The following PPAT variants were observed in gnomAD, a reference collection of about 807,000 sequenced individuals.
PPAT encodes the protein amidophosphoribosyltransferase.
A neutral mutation model predicts 60.2 loss-of-function variants in PPAT; 20 were observed. The ratio of observed to expected loss-of-function variants is 0.33; its 90% confidence interval spans 0.23 to 0.48. PPAT has a LOEUF of 0.48. PPAT is among the 20% of genes least tolerant of loss of function. The probability of loss-of-function intolerance (pLI) is 0.99; values close to 1 mark genes in which losing one functional copy is unlikely to be tolerated. For synonymous variants in PPAT, 194 were observed against 215.1 expected (o/e 0.90, Z 0.86); for missense variants, 349 against 629.6 (o/e 0.55, Z 4.77).
chr4:56,402,926 A>G (rs1716152671), intron 5 of PPAT, 114 bp downstream of exon 5: 11 of 892,156 alleles, frequency 1.2e-5, no homozygotes, highest in Non-Finnish European at 1.7e-5. Flanking sequence ...TATTTTTCTT[A>G]CCTAGCTCCC....
chr4:56,426,584 G>T (rs190443773), intron 1 of PPAT, among the ~76,000 whole-genome samples: 1 of 152,010 alleles, frequency 6.6e-6, no homozygotes, highest in Non-Finnish European at 1.5e-5. Flanking sequence ...GTTCATCCAC[G>T]TTGTAGCATA....
At position 56,394,382 on chromosome 4, in the gene PPAT, A is replaced by G. The variant is rs1715911566; in HGVS notation, c.*970T>C. ...TGTGTACATGTATATGTACATCTAC[A>G]TGTATATATGTTTGCAAGTGATCAA... On this transcript the variant is annotated 3_prime_UTR_variant, in exon 11 of 11. Transcript: ENST00000264220. 6.6e-6 allele frequency: 1 copy of G among 152,180 alleles called. No individual in the cohort carries two copies. 9.4% of individuals were successfully genotyped at this position (152,180 alleles called of 1,614,324 possible).
chr4:56,432,691 A>G (rs2110070831), intron 1 of PPAT, among the ~76,000 whole-genome samples: 1 of 151,566 alleles, frequency 6.6e-6, no homozygotes, highest in South Asian at 2.1e-4. Flanking sequence ...AGGCTGAGGC[A>G]GGAGAATGGC....
intron 1 of PPAT, among the ~76,000 whole-genome samples, chr4:56,432,657 C>T (rs1481570368): frequency 1.3e-5 from 2 of 151,116 alleles, no homozygotes; most frequent in African/African-American, 4.9e-5. Flanking sequence ...TGGTGGGGGG[C>T]GCCTGTAGTC....
chr4:56,413,545 T>A (rs1280694874), intron 1 of PPAT, among the ~76,000 whole-genome samples: 1 of 152,230 alleles, frequency 6.6e-6, no homozygotes, highest in Non-Finnish European at 1.5e-5. Context: ...AGAATCACTG[T>A]CATGCAAAAT....
intron 1 of PPAT, among the ~76,000 whole-genome samples, chr4:56,416,002 G>T (rs6832797): frequency 1.3e-5 from 2 of 151,516 alleles, no homozygotes. Flanking sequence ...CCCGGGAGGC[G>T]GAGGTTGCAG....
At chr4:56,428,979 G>A in intron 1 of PPAT, 1 of 979,676 alleles carries the variant, frequency 1.0e-6, no homozygotes, top group Non-Finnish European at 1.2e-6. Context: ...GGAACTTTGA[G>A]CTTCAAGAGA....
rs1236357637 is a variant in PPAT at position 56,395,336 on chromosome 4, C to T, written c.*16G>A. ...CAACTTTCTATCTTGAAACTACACA[C>T]ATCCAACCCTACCAGCTACCATTCT... On this transcript the variant is annotated 3_prime_UTR_variant, in exon 11 of 11. Transcript: ENST00000264220. 6.3e-6 allele frequency: 10 copies of T among 1,582,768 alleles called. No homozygotes were observed. In the African/African-American group the frequency reaches 1.1e-4, roughly 17 times the overall value.
In PPAT at chr4:56,395,205, A is replaced by C; in HGVS notation, c.*147T>G. On this transcript the variant is annotated 3_prime_UTR_variant, in exon 11 of 11. Coordinates refer to ENST00000264220, the MANE Select transcript of PPAT (RefSeq NM_002703.5). ...GTTATCGCACTTTGGTATCCTTTTC[A>C]GAAAAAAAAAAAATCTCAAAACTTA... 1 of 662,596 alleles carries C rather than the reference A, an allele frequency of 1.5e-6. No homozygotes were observed. Among genetic ancestry groups the C allele is most frequent in the Non-Finnish European group, 2.3e-6 (1 of 426,146 alleles). 41.0% of individuals were successfully genotyped at this position (662,596 alleles called of 1,614,324 possible).
intron 1 of PPAT, among the ~76,000 whole-genome samples, chr4:56,417,000 C>A (rs1560645176): frequency 6.6e-6 from 1 of 152,286 alleles, no homozygotes; most frequent in East Asian, 1.9e-4. Flanking sequence ...CAGGAGCGCA[C>A]CATCACGCCC....
Position 56,406,572 on chromosome 4 carries a change from C to T in PPAT, c.325G>A (p.Val109Ile), listed in dbSNP as rs141469911. 28 of 1,613,730 alleles carry T rather than the reference C, an allele frequency of 1.7e-5. No homozygotes were observed. The highest frequency in any genetic ancestry group is 1.7e-4 in the Middle Eastern group (1 of 5,776). ...KCELENCQPF[V>I]VETLHGKIAV... ...ATCTTCCCATGAAGTGTTTCAACAA[C>T]GAAGGGCTGACAATTTTCTAGTTCA... The change falls in exon 3 of 11, where the codon GTT (valine) becomes ATT (isoleucine). Residue 109 changes from valine to isoleucine, a missense_variant. Physicochemically the swap from Val to Ile is conservative, Grantham distance 29 (BLOSUM62 3). Around this residue, in one of 5 missense-constraint regions of PPAT, gnomAD observed 115 missense variants for 174.5 expected, o/e 0.66. Transcript: ENST00000264220.
intron 1 of PPAT, among the ~76,000 whole-genome samples, chr4:56,431,026 A>G (rs1329018126): frequency 6.6e-6 from 1 of 152,176 alleles, no homozygotes; most frequent in Non-Finnish European, 1.5e-5. Flanking sequence ...GAAGGATTGA[A>G]AACACTTATT....
rs1460073463 is a variant in PPAT at position 56,395,529 on chromosome 4, A to G, written c.1377T>C (p.Tyr459=). ...ATGAAACCAGTCCTTCTACTGACAGATACACAACACTGTTTGCTCCTAAAG... is the reference window on the plus strand; with the variant it reads ...ATGAAACCAGTCCTTCTACTGACAGGTACACAACACTGTTTGCTCCTAAAG... ...AEYLGANSVV[Y]LSVEGLVSSV... Residue 459 remains tyrosine, a synonymous_variant, in exon 11 of 11, where the codon TAT becomes TAC. Coordinates refer to ENST00000264220, the MANE Select transcript of PPAT (RefSeq NM_002703.5). 1.9e-6 allele frequency: 3 copies of G among 1,587,838 alleles called. No individual in the cohort carries two copies. Among genetic ancestry groups the G allele is most frequent in the Non-Finnish European group, 2.6e-6 (3 of 1,170,878 alleles).
intron 1 of PPAT, among the ~76,000 whole-genome samples, chr4:56,433,959 G>C (rs1456076484): frequency 2.0e-5 from 3 of 152,088 alleles, no homozygotes; most frequent in Admixed American, 1.3e-4. Flanking sequence ...CAAAGTGCTG[G>C]GATTACAGGC....
At chr4:56,410,871 C>A (rs1181270399) in intron 1 of PPAT, 2 of 964,132 alleles carry the variant, frequency 2.1e-6, no homozygotes, top group Admixed American at 7.7e-5. Flanking sequence ...ACGCTCAGCC[C>A]AAGTACAGCC....
At chr4:56,398,091 G>A (rs951255808) in intron 9 of PPAT, among the ~76,000 whole-genome samples, 5 of 152,088 alleles carry the variant, frequency 3.3e-5, no homozygotes, top group South Asian at 2.1e-4. Context: ...TAACTTGGCC[G>A]GGCACGATGG....
intron 9 of PPAT, among the ~76,000 whole-genome samples, chr4:56,397,291 C>T (rs1221450716): frequency 6.6e-6 from 1 of 152,112 alleles, no homozygotes; most frequent in Admixed American, 6.6e-5. Context: ...TATGCCATTT[C>T]CAGGTTCTTT....
intron 1 of PPAT, among the ~76,000 whole-genome samples, chr4:56,409,315 C>A (rs1229554563): frequency 6.6e-6 from 1 of 152,140 alleles, no homozygotes; most frequent in Non-Finnish European, 1.5e-5. Flanking sequence ...CTCTTTATAA[C>A]CCCTAAATAG....
At chr4:56,413,149 TGGTTTTTG>T (rs1445642930) in intron 1 of PPAT, among the ~76,000 whole-genome samples, 1 of 150,264 alleles carries the variant, frequency 6.7e-6, no homozygotes, top group Non-Finnish European at 1.5e-5. Flanking sequence ...GTCTTGTTTT[TGGTTTTTG>T]GTTTTGTTTT....
Sources: gnomAD v4.1 joint callset for allele counts (sites outside exome capture counted in the v4.1 genomes callset) on GRCh38, gnomAD v4.1.1 for gene constraint, gnomAD v4.1.1 regional missense constraint, MANE v1.5 for transcripts, NCBI Gene and HGNC (gene_info 2026-07-23, HGNC 2026-07-21) for gene names.